LPP: variants seen among roughly 807,000 people sequenced by gnomAD.
The protein encoded by LPP is lipoma-preferred partner.
A neutral mutation model predicts 60.4 loss-of-function variants in LPP; 38 were observed. The observed-to-expected ratio is 0.63, with a 90% CI of 0.49 to 0.83. LPP has a LOEUF of 0.83. Ranked by LOEUF, LPP falls within the 40% of genes least tolerant of loss-of-function variation. LPP has a pLI of 0.00. For synonymous variants in LPP, 328 were observed against 290.8 expected (o/e 1.13, Z -1.30); for missense variants, 902 against 783.6 (o/e 1.15, Z -1.80).
chr3:188,415,407 A>G (rs1445197381), intron 4 of LPP, among the ~76,000 whole-genome samples: 3 of 152,166 alleles, frequency 2.0e-5, no homozygotes, highest in South Asian at 2.1e-4. Flanking sequence ...TGTACTAACC[A>G]TATGACTCAG....
chr3:188,366,407 C>T (rs1237622171), intron 3 of LPP, among the ~76,000 whole-genome samples: 1 of 152,094 alleles, frequency 6.6e-6, no homozygotes, highest in Non-Finnish European at 1.5e-5. Flanking sequence ...GGGCTGGGCT[C>T]CGTGGTGAAG....
intron 7 of LPP, among the ~76,000 whole-genome samples, chr3:188,683,447 G>C (rs930143275): frequency 6.6e-6 from 1 of 151,996 alleles, no homozygotes; most frequent in African/African-American, 2.4e-5. Context: ...GGCCTATTGG[G>C]GTTTCCCACC....
At chr3:188,770,360 T>G (rs77208572) in intron 9 of LPP, among the ~76,000 whole-genome samples, 36,793 of 145,480 alleles carry the variant, frequency 0.25, 5,073 homozygotes, top group Middle Eastern at 0.32. Context: ...TTTTTTTTTT[T>G]TTTTTGTATT....
At chr3:188,332,489 A>T (rs748615605) in intron 2 of LPP, among the ~76,000 whole-genome samples, 3 of 152,228 alleles carry the variant, frequency 2.0e-5, no homozygotes, top group Non-Finnish European at 4.4e-5. Context: ...GGTGTGTGTT[A>T]TAGTAGTTGC....
At chr3:188,304,959 A>G (rs1751049234) in intron 2 of LPP, among the ~76,000 whole-genome samples, 1 of 152,226 alleles carries the variant, frequency 6.6e-6, no homozygotes, top group South Asian at 2.1e-4. Context: ...GGGCTGAAAT[A>G]TTTTAATTGA....
chr3:188,567,393 A>G (rs1268826418), intron 6 of LPP, among the ~76,000 whole-genome samples: 2 of 151,912 alleles, frequency 1.3e-5, no homozygotes, highest in Non-Finnish European at 2.9e-5. Flanking sequence ...TCACAGTTTA[A>G]TTTCTTGAAA....
chr3:188,554,871 C>G (rs1285681742), intron 6 of LPP, among the ~76,000 whole-genome samples: 1 of 152,044 alleles, frequency 6.6e-6, no homozygotes, highest in Non-Finnish European at 1.5e-5. Context: ...GAGGGTACAG[C>G]TATGCATAAA....
intron 7 of LPP, among the ~76,000 whole-genome samples, chr3:188,638,575 G>A (rs1190566110): frequency 6.7e-6 from 1 of 148,672 alleles, no homozygotes; most frequent in African/African-American, 2.5e-5. Flanking sequence ...AAGTCAAATT[G>A]TCCCTGTTTG....
At chr3:188,213,048 T>C (rs950980381) in intron 1 of LPP, 1 of 152,136 alleles carries the variant, frequency 6.6e-6, no homozygotes, top group African/African-American at 2.4e-5. Flanking sequence ...TTTTAAAAAG[T>C]AGGTATTTCC....
At chr3:188,523,552 C>T (rs992180095) in intron 5 of LPP, among the ~76,000 whole-genome samples, 19 of 152,198 alleles carry the variant, frequency 1.2e-4, no homozygotes, top group African/African-American at 4.6e-4. Context: ...AGATTGACTT[C>T]AAGGGTTATA....
chr3:188,848,083 A>G (rs1338209941), intron 9 of LPP, among the ~76,000 whole-genome samples: 1 of 152,144 alleles, frequency 6.6e-6, no homozygotes, highest in Non-Finnish European at 1.5e-5. Flanking sequence ...ATATGTTAGA[A>G]ATGTTTATGA....
chr3:188,705,220 C>T (rs765708649), intron 7 of LPP, among the ~76,000 whole-genome samples: 7 of 152,202 alleles, frequency 4.6e-5, no homozygotes, highest in Non-Finnish European at 8.8e-5. Flanking sequence ...TTAACATTTC[C>T]GTACCTGGTC....
chr3:188,487,874 G>C (rs1412386408), intron 5 of LPP, among the ~76,000 whole-genome samples: 2 of 152,240 alleles, frequency 1.3e-5, no homozygotes, highest in Admixed American at 6.5e-5. Flanking sequence ...CAGATTTTCA[G>C]GTCAGAGCCA....
At chr3:188,487,317 A>C (rs1213318316) in intron 5 of LPP, among the ~76,000 whole-genome samples, 1 of 152,238 alleles carries the variant, frequency 6.6e-6, no homozygotes, top group Non-Finnish European at 1.5e-5. Context: ...ATGTAAGAAG[A>C]CTAGTAAGGA....
chr3:188,221,560 T>C (rs1057332760), intron 1 of LPP, among the ~76,000 whole-genome samples: 9 of 152,232 alleles, frequency 5.9e-5, no homozygotes, highest in Non-Finnish European at 1.2e-4. Context: ...CCATAGCCCA[T>C]ACTGGGGTTC....
chr3:188,325,353 T>G (rs532463068), intron 2 of LPP, among the ~76,000 whole-genome samples: 1 of 152,288 alleles, frequency 6.6e-6, no homozygotes, highest in East Asian at 1.9e-4. Flanking sequence ...TTTAGCCCTC[T>G]GTATAAGCCA....
At chr3:188,220,606 T>C (rs1715418850) in intron 1 of LPP, among the ~76,000 whole-genome samples, 1 of 152,212 alleles carries the variant, frequency 6.6e-6, no homozygotes, top group Non-Finnish European at 1.5e-5. Context: ...ACAAGCTGGG[T>C]AGGCCTCTGG....
intron 9 of LPP, among the ~76,000 whole-genome samples, chr3:188,785,976 A>G (rs1301001744): frequency 2.0e-5 from 3 of 152,148 alleles, no homozygotes; most frequent in Admixed American, 1.3e-4. Context: ...TGTCTCAAAT[A>G]GGTACCATGA....
At chr3:188,375,022 T>C (rs1705106468) in intron 3 of LPP, among the ~76,000 whole-genome samples, 1 of 152,220 alleles carries the variant, frequency 6.6e-6, no homozygotes, top group South Asian at 2.1e-4. Flanking sequence ...TTGATTTGTG[T>C]ATGTTGAACC....
Sources: gnomAD v4.1 joint callset for allele counts (sites outside exome capture counted in the v4.1 genomes callset) on GRCh38, gnomAD v4.1.1 for gene constraint, MANE v1.5 for transcripts, NCBI Gene and HGNC (gene_info 2026-07-23, HGNC 2026-07-21) for gene names.